Variants in MAK observed in about 807,000 individuals in gnomAD.
MAK encodes the protein male germ cell associated kinase, also known as serine/threonine-protein kinase MAK.
MAK carries 65 observed loss-of-function variants against 82.6 expected under a neutral mutation model. The ratio of observed to expected loss-of-function variants is 0.79; its 90% CI spans 0.64 to 0.97. The LOEUF is 0.97. Ranked by LOEUF, MAK falls within the 50% of genes least tolerant of loss-of-function variation. MAK has a pLI of 0.00. For synonymous variants in MAK, 250 were observed against 274.2 expected (o/e 0.91, Z 0.87); for missense variants, 703 against 780.2 (o/e 0.90, Z 1.18).
intron 5 of MAK, among the ~76,000 whole-genome samples, chr6:10,809,391 T>C (rs1369862655): frequency 2.0e-5 from 3 of 152,214 alleles, no homozygotes; most frequent in Non-Finnish European, 4.4e-5. Flanking sequence ...GGTCTTGCTC[T>C]GTTGTCCAGG....
intron 11 of MAK, chr6:10,779,257 A>G: frequency 1.2e-6 from 1 of 863,724 alleles, no homozygotes. Flanking sequence ...GGCACTGCTG[A>G]GAGATTAGCT....
At chr6:10,789,186 C>G (rs1774861715) in intron 10 of MAK, among the ~76,000 whole-genome samples, 2 of 151,366 alleles carry the variant, frequency 1.3e-5, no homozygotes, top group Non-Finnish European at 2.9e-5. Context: ...AAAGAATTAT[C>G]CAAGCATATG....
chr6:10,796,387 G>A, intron 8 of MAK, 78 bp from the exon 9 acceptor site: 1 of 1,226,676 alleles, frequency 8.2e-7, no homozygotes, highest in Non-Finnish European at 1.2e-6. Flanking sequence ...GGTTGGCCCT[G>A]TGCGAGGCAT....
intron 1 of MAK, among the ~76,000 whole-genome samples, chr6:10,832,192 G>T (rs557637579): frequency 9.8e-5 from 15 of 152,338 alleles, no homozygotes; most frequent in African/African-American, 3.6e-4. Flanking sequence ...CACCATGTTG[G>T]CCAAGCTGGT....
chr6:10,783,702 C>A (rs375785531), intron 11 of MAK, among the ~76,000 whole-genome samples: 1 of 152,182 alleles, frequency 6.6e-6, no homozygotes, highest in Admixed American at 6.5e-5. Flanking sequence ...CATGCTCTTC[C>A]GAGCAGGCAG....
chr6:10,779,553 A>G (rs1032834567), intron 11 of MAK: 15 of 889,564 alleles, frequency 1.7e-5, no homozygotes, highest in Non-Finnish European at 2.0e-5. Flanking sequence ...TCGATGCTTA[A>G]TAAGACCTTT....
intron 11 of MAK, 136 bp downstream of exon 11, chr6:10,784,288 A>C: frequency 1.2e-6 from 1 of 837,878 alleles, no homozygotes; most frequent in Non-Finnish European, 2.0e-6. Context: ...GTCCTTGGCG[A>C]CAGACTGAGC....
chr6:10,764,360 A>G lies in MAK; in HGVS notation c.*92T>C. Reference sequence around the variant, plus strand: ...CTTTTGCATATTTCTTCCAGAACTCAGTAGAAATAGACATTTGTAGACATT... The same window carrying G: ...CTTTTGCATATTTCTTCCAGAACTCGGTAGAAATAGACATTTGTAGACATT... On this transcript the variant is annotated 3_prime_UTR_variant, in exon 15 of 15. Coordinates refer to ENST00000354489, the MANE Select transcript of MAK (RefSeq NM_001242957.3). 2.9e-6 allele frequency: 4 copies of G among 1,370,518 alleles called. No homozygotes were observed. The South Asian group carries it at 3.7e-5, about 13-fold the overall frequency. 84.9% of individuals were successfully genotyped at this position (1,370,518 alleles called of 1,614,324 possible).
At chr6:10,769,973 T>C (rs115029448) in intron 14 of MAK, 138 bp downstream of exon 14, 36,286 of 1,521,696 alleles carry the variant, frequency 0.024, 541 homozygotes, top group Non-Finnish European at 0.027. Flanking sequence ...GACATTTCGG[T>C]AAAAACAAAA....
intron 6 of MAK, among the ~76,000 whole-genome samples, chr6:10,805,173 G>A (rs1446517657): frequency 1.3e-5 from 2 of 152,176 alleles, no homozygotes; most frequent in South Asian, 2.1e-4. Flanking sequence ...GTTGCCACCT[G>A]TGACCCTGAA....
Position 10,769,512 on chromosome 6 carries a change from T to C in MAK, c.1792+599A>G, listed in dbSNP as rs147021112. ...GATAAACCCTTCCCCCTGAATACTA[T>C]TGCAAAGCAAAAGGCAGGGTGTGAA... is the stretch of plus-strand genomic sequence containing the variant. On this transcript the variant is annotated intron_variant, in intron 14 of 14. Coordinates refer to ENST00000354489, the MANE Select transcript of MAK (RefSeq NM_001242957.3). 4.7e-3 allele frequency among the ~76,000 whole-genome samples: 711 copies of C among 152,294 alleles called. 8 individuals carry two copies. Among genetic ancestry groups the C allele is most frequent in the Middle Eastern group, 0.044 (13 of 294 alleles).
intron 10 of MAK, among the ~76,000 whole-genome samples, chr6:10,787,568 A>C (rs1055336950): frequency 2.0e-5 from 3 of 152,226 alleles, no homozygotes; most frequent in Non-Finnish European, 4.4e-5. Flanking sequence ...ATAAAAATGT[A>C]GAAGAAATGG....
Position 10,830,555 on chromosome 6 carries a change from TG to T in MAK, c.93del (p.Ile32SerfsTer4), listed in dbSNP as rs753804603. On this transcript the variant is annotated frameshift_variant, in exon 2 of 15. Coordinates refer to ENST00000354489, the MANE Select transcript of MAK (RefSeq NM_001242957.3). LOFTEE classifies it high-confidence loss of function. ...CAGTGTCACACACAGTACCTTTTGA[TG>T]GCCACCAGCTCCCCGGATTCATTAC... is the stretch of plus-strand genomic sequence containing the variant. ...GKSNESGELV[A>X]IKRMKRKFYS... is the part of the protein sequence containing the mutation. 15 of 1,613,792 alleles carry T rather than the reference TG, an allele frequency of 9.3e-6. No homozygotes were observed. Among genetic ancestry groups the T allele is most frequent in the Non-Finnish European group, 1.3e-5 (15 of 1,179,660 alleles).
In MAK at chr6:10,797,573, T is replaced by C. The variant is rs373826758; in HGVS notation, c.832-1264A>G. On this transcript the variant is annotated intron_variant, in intron 8 of 14. Coordinates refer to ENST00000354489, the MANE Select transcript of MAK (RefSeq NM_001242957.3). ...TATTCTACAGAATGTCTAAAGCCTG[T>C]GTAGCTCAGCTATGGAAAAATTCCC... The C allele has an allele frequency of 1.2e-4, 116 of 984,564 alleles. No individual in the cohort carries two copies. In the African/African-American group the frequency reaches 1.9e-3, roughly 16 times the overall value. The allele number at this position is 984,564 out of a possible 1,614,324, so 61.0% of individuals were successfully genotyped here.
intron 2 of MAK, among the ~76,000 whole-genome samples, chr6:10,824,016 A>C (rs991836032): frequency 1.3e-5 from 2 of 151,834 alleles, no homozygotes; most frequent in African/African-American, 4.8e-5. Flanking sequence ...AAAAATGAGA[A>C]GGGAGAATGA....
chr6:10,813,132 ATAAATT>A (rs1777167532), intron 5 of MAK, among the ~76,000 whole-genome samples: 7 of 760 alleles, frequency 9.2e-3, no homozygotes, highest in Admixed American at 0.022. Context: ...ATATATATAT[ATAAATT>A]TTTTTTTTTT....
At chr6:10,811,056 T>C (rs939422114) in intron 5 of MAK, among the ~76,000 whole-genome samples, 13 of 152,346 alleles carry the variant, frequency 8.5e-5, no homozygotes, top group East Asian at 1.9e-4. Flanking sequence ...TGGAGTGCAG[T>C]GGCATGATCT....
intron 8 of MAK, among the ~76,000 whole-genome samples, chr6:10,796,900 A>G (rs1775615643): frequency 6.6e-6 from 1 of 152,106 alleles, no homozygotes; most frequent in Non-Finnish European, 1.5e-5. Flanking sequence ...TTATTTAAAG[A>G]TTTGTTAGTG....
Position 10,785,011 on chromosome 6 carries a change from G to T in MAK, c.1317-439C>A. ...AAATGGGGAAAGAAGTGCTAGAAAA[G>T]CTCCCGTATACAATTTCCCGTCACC... is the stretch of plus-strand genomic sequence containing the variant. On this transcript the variant is annotated intron_variant, in intron 10 of 14. Coordinates refer to ENST00000354489, the MANE Select transcript of MAK (RefSeq NM_001242957.3). The T allele has an allele frequency of 6.6e-6, 3 of 456,554 alleles. No individual in the cohort carries two copies. In the East Asian group the frequency reaches 2.1e-4, roughly 32 times the overall value. The allele number at this position is 456,554 out of a possible 1,614,324, so 28.3% of individuals were successfully genotyped here.
Sources: allele counts gnomAD v4.1 joint callset (sites outside exome capture counted in the v4.1 genomes callset), GRCh38; gene constraint gnomAD v4.1.1; transcripts MANE v1.5; gene names NCBI Gene and HGNC (gene_info 2026-07-23, HGNC 2026-07-21).